Variants in VANGL1 observed in about 807,000 individuals in gnomAD.
VANGL1 encodes the protein VANGL planar cell polarity protein 1, also known as vang-like protein 1.
In VANGL1, 18 loss-of-function variants were observed where a neutral mutation model predicts 48.4. The observed-to-expected ratio is 0.37, with a 90% confidence interval of 0.26 to 0.55. VANGL1 has a LOEUF of 0.55. Ranked by LOEUF, VANGL1 falls within the 20% of genes least tolerant of loss-of-function variation. The pLI is 0.81. For synonymous variants in VANGL1, 257 were observed against 261.8 expected, an observed-to-expected ratio of 0.98 and a Z score of 0.18; for missense variants, 667 against 675.8, an observed-to-expected ratio of 0.99 and a Z score of 0.14.
At chr1:115,672,652 C>T (rs1653022840) in intron 4 of VANGL1, among the ~76,000 whole-genome samples, 1 of 152,204 alleles carries the variant, frequency 6.6e-6, no homozygotes, top group Non-Finnish European at 1.5e-5. Context: ...TTTTGTCCCT[C>T]TTTGTCCTTC....
intron 1 of VANGL1, among the ~76,000 whole-genome samples, chr1:115,650,788 C>T (rs56034057): frequency 6.6e-6 from 1 of 151,348 alleles, no homozygotes; most frequent in South Asian, 2.1e-4. Flanking sequence ...GAAATCAGTT[C>T]CCTCAGATAA....
At chr1:115,683,628 A>G (rs187886379) in intron 5 of VANGL1, among the ~76,000 whole-genome samples, 6 of 152,186 alleles carry the variant, frequency 3.9e-5, no homozygotes, top group Admixed American at 3.3e-4. Context: ...ACAGATGGTA[A>G]CATCTTCAGC....
At position 115,691,917 on chromosome 1, in the gene VANGL1, G is replaced by A. The variant is rs1653853922; in HGVS notation, c.*538G>A. The A allele has an allele frequency of 6.5e-6, 1 of 153,980 alleles. No individual in the cohort carries two copies. Among genetic ancestry groups the A allele is most frequent in the Non-Finnish European group, 1.4e-5 (1 of 68,976 alleles). 9.5% of individuals were successfully genotyped at this position (153,980 alleles called of 1,614,324 possible). A position where few individuals can be genotyped will look rare whatever the true frequency, so the allele number is the denominator to read the frequency against. On this transcript the variant is annotated 3_prime_UTR_variant, in exon 8 of 8. Coordinates refer to ENST00000355485, the MANE Select transcript of VANGL1 (RefSeq NM_138959.3). ...TCTTTGTTGCCTTAGGTTCTTCAGA[G>A]AAAGATCACAACAAAAAATGTACAC... is the stretch of plus-strand genomic sequence containing the variant.
chr1:115,687,705 CTGTGTGTGTGTGTGTGTGTG>C (rs56094677), intron 7 of VANGL1, among the ~76,000 whole-genome samples: 2 of 112,794 alleles, frequency 1.8e-5, no homozygotes, highest in Admixed American at 9.6e-5. Context: ...CTCTCTTTCT[CTGTGTGTGTGTGTGTGTGTG>C]TGTGTGTGTG....
At chr1:115,646,262 G>T (rs1651909585) in intron 1 of VANGL1, among the ~76,000 whole-genome samples, 1 of 152,116 alleles carries the variant, frequency 6.6e-6, no homozygotes. Flanking sequence ...ATCTCCCATT[G>T]TTGACCTTGC....
chr1:115,684,827 TC>T (rs1653533128), intron 6 of VANGL1, among the ~76,000 whole-genome samples: 1 of 152,144 alleles, frequency 6.6e-6, no homozygotes, highest in Non-Finnish European at 1.5e-5. Flanking sequence ...TCTTCCTGTT[TC>T]CCAGGGGCTG....
chr1:115,679,984 A>AGTATGTGT (rs1653317012), intron 4 of VANGL1, among the ~76,000 whole-genome samples: 1 of 137,410 alleles, frequency 7.3e-6, no homozygotes, highest in Non-Finnish European at 1.5e-5. Flanking sequence ...CACACCAGGG[A>AGTATGTGT]GTGTGTGTGT....
At chr1:115,681,512 G>T (rs10923170) in intron 4 of VANGL1, among the ~76,000 whole-genome samples, 89,413 of 133,508 alleles carry the variant, frequency 0.67, 29,776 homozygotes, top group South Asian at 0.75. Flanking sequence ...TGTTTTTTTT[G>T]TTTTTTTTTT....
Position 115,684,015 on chromosome 1 carries a change from CACA to C in VANGL1, c.1021_1023del (p.Asn341del), listed in dbSNP as rs1270683193. 1.4e-5 allele frequency: 22 copies of C among 1,614,120 alleles called. No individual in the cohort carries two copies. The highest frequency in any genetic ancestry group is 1.8e-5 in the Non-Finnish European group (21 of 1,180,018). On this transcript the variant is annotated inframe_deletion, in exon 6 of 8. Transcript: ENST00000355485. Reference sequence around the variant, plus strand: ...AGCTGCTCGGCGCAGGGACTCAAGCCACAACGAGTTGTATTATGAAGAGGCCGA... The same window carrying C: ...AGCTGCTCGGCGCAGGGACTCAAGCCACGAGTTGTATTATGAAGAGGCCGA...
At position 115,692,422 on chromosome 1, in the gene VANGL1, A is replaced by G. The variant is rs150705915; in HGVS notation, c.*1043A>G. On this transcript the variant is annotated 3_prime_UTR_variant, in exon 8 of 8. Coordinates refer to ENST00000355485, the MANE Select transcript of VANGL1 (RefSeq NM_138959.3). Reference sequence around the variant, plus strand: ...CTGCCCTGCCAAAGGAGACCAAACCATGCCAACCACGCTGGCAACTGCTGC... The same window carrying G: ...CTGCCCTGCCAAAGGAGACCAAACCGTGCCAACCACGCTGGCAACTGCTGC... The G allele has an allele frequency of 1.9e-3, 284 of 152,798 alleles. 2 individuals carry two copies. Among genetic ancestry groups the G allele is most frequent in the African/African-American group, 6.7e-3 (278 of 41,558 alleles). The allele number at this position is 152,798 out of a possible 1,614,324, so 9.5% of individuals were successfully genotyped here.
rs1653425035 is a variant in VANGL1 at position 115,682,348 on chromosome 1, G to A, written c.813-16G>A. On this transcript the variant is annotated splice_polypyrimidine_tract_variant and intron_variant, in intron 4 of 7. Transcript: ENST00000355485. ...AGTGAAAAAGCTTTGCATTAATTTT[G>A]TTCTTTTTTTCTCAGTATCCAGCGA... The A allele has an allele frequency of 6.2e-7, 1 of 1,613,810 alleles. No homozygotes were observed. The highest frequency in any genetic ancestry group is 1.1e-5 in the South Asian group (1 of 91,076).
chr1:115,685,838 A>G (rs1484432615), intron 7 of VANGL1, among the ~76,000 whole-genome samples: 1 of 152,108 alleles, frequency 6.6e-6, no homozygotes. Context: ...GAACTGATTC[A>G]TTCTAACCTG....
intron 4 of VANGL1, among the ~76,000 whole-genome samples, chr1:115,670,887 G>T (rs1036889909): frequency 4.6e-5 from 7 of 152,228 alleles, no homozygotes; most frequent in Admixed American, 6.5e-5. Flanking sequence ...GAAACATAGA[G>T]CGTGGAGGGT....
chr1:115,660,214 G>A (rs775986722), intron 3 of VANGL1, among the ~76,000 whole-genome samples: 55 of 152,222 alleles, frequency 3.6e-4, no homozygotes, highest in Admixed American at 3.6e-3. Context: ...AGAAACGTAA[G>A]TTAATTAAGG....
chr1:115,655,171 C>G (rs2101316081), intron 2 of VANGL1, among the ~76,000 whole-genome samples: 1 of 152,234 alleles, frequency 6.6e-6, no homozygotes, highest in South Asian at 2.1e-4. Context: ...GCCCCAGCAG[C>G]CAGCAGAGAG....
chr1:115,687,365 C>T (rs1159850011), intron 7 of VANGL1, among the ~76,000 whole-genome samples: 1 of 138,704 alleles, frequency 7.2e-6, no homozygotes, highest in Non-Finnish European at 1.6e-5. Context: ...ACTGTGGTTG[C>T]AAATGAGGAA....
intron 1 of VANGL1, among the ~76,000 whole-genome samples, chr1:115,647,310 T>A (rs1402369958): frequency 9.9e-5 from 15 of 152,174 alleles, no homozygotes; most frequent in Non-Finnish European, 1.5e-5. Flanking sequence ...CCTGGGAACC[T>A]GATTCCTTTT....
In VANGL1 at chr1:115,697,792, G is replaced by A. The variant is rs189697580; in HGVS notation, c.*6413G>A. The A allele has an allele frequency of 1.8e-4, 27 of 152,262 alleles. No individual in the cohort carries two copies. The highest frequency in any genetic ancestry group is 6.5e-4 in the African/African-American group (27 of 41,554). 9.4% of individuals were successfully genotyped at this position (152,262 alleles called of 1,614,324 possible). A position where few individuals can be genotyped will look rare whatever the true frequency, so the allele number is the denominator to read the frequency against. ...ACGGTTTGTGTAAAAATGTGGTCAG[G>A]GACCTTTTTTGTTCTTTCTGATTAG... On this transcript the variant is annotated 3_prime_UTR_variant, in exon 8 of 8. Transcript: ENST00000355485.
Position 115,663,964 on chromosome 1 carries a change from C to T in VANGL1, c.508C>T (p.Leu170Phe). The T allele has an allele frequency of 1.2e-6, 2 of 1,614,214 alleles. No individual in the cohort carries two copies. The highest frequency in any genetic ancestry group is 8.5e-7 in the Non-Finnish European group (1 of 1,180,040). ...LLILLIGTWA[L>F]FFRKRRADMP... The stretch of plus-strand genomic sequence containing the variant: ...CATTCTGCTCATAGGGACCTGGGCA[C>T]TTTTTTTCCGCAAGCGGAGAGCTGA... Residue 170 changes from leucine (L) to phenylalanine (F), a missense_variant, in exon 4 of 8, where the codon CTT becomes TTT. Transcript: ENST00000355485.
Sources: allele counts gnomAD v4.1 joint callset (sites outside exome capture counted in the v4.1 genomes callset), GRCh38; gene constraint gnomAD v4.1.1; transcripts MANE v1.5; gene names NCBI Gene and HGNC (gene_info 2026-07-23, HGNC 2026-07-21).